The following SLC2A13 variants were observed in gnomAD, a reference collection of about 807,000 sequenced individuals.
SLC2A13 encodes proton myo-inositol cotransporter.
A neutral mutation model predicts 64.4 loss-of-function variants in SLC2A13; 32 were observed. That is an observed-to-expected ratio of 0.50 (90% CI 0.37 to 0.67). The LOEUF (loss-of-function observed/expected upper bound fraction) is 0.67. SLC2A13 is among the 30% of genes least tolerant of loss of function. The pLI, the probability that SLC2A13 is intolerant of heterozygous loss-of-function variation, is 0.00. For missense variants in SLC2A13, 743 were observed against 829.2 expected (o/e 0.90, Z 1.28); for synonymous variants, 338 against 327.1 (o/e 1.03, Z -0.36).
At chr12:39,775,306 G>C (rs547007734) in intron 7 of SLC2A13, among the ~76,000 whole-genome samples, 1 of 152,314 alleles carries the variant, frequency 6.6e-6, no homozygotes, top group Admixed American at 6.5e-5. Context: ...CTTAGGTAAC[G>C]TAAGTTACTT....
At chr12:39,855,424 C>T (rs1943580791) in intron 6 of SLC2A13, among the ~76,000 whole-genome samples, 1 of 152,152 alleles carries the variant, frequency 6.6e-6, no homozygotes, top group Non-Finnish European at 1.5e-5. Context: ...TAAGGACTCT[C>T]ATGTAGGAAG....
In SLC2A13 at chr12:39,758,282, C is replaced by T. The variant is rs886825507; in HGVS notation, c.*1744G>A. Reference sequence around the variant, plus strand: ...ATTGACAGTTTAAGCACATATTATACCTCTGGTGACTTAGAGAATGAACTT... The same window carrying T: ...ATTGACAGTTTAAGCACATATTATATCTCTGGTGACTTAGAGAATGAACTT... On this transcript the variant is annotated 3_prime_UTR_variant, in exon 10 of 10. Coordinates refer to ENST00000280871, the MANE Select transcript of SLC2A13 (RefSeq NM_052885.4). 6.6e-6 allele frequency: 1 copy of T among 151,764 alleles called. No individual in the cohort carries two copies. Among genetic ancestry groups the T allele is most frequent in the African/African-American group, 2.4e-5 (1 of 41,362 alleles). The allele number at this position is 151,764 out of a possible 1,614,324, so 9.4% of individuals were successfully genotyped here.
chr12:39,889,973 T>G (rs1428545123), intron 4 of SLC2A13, among the ~76,000 whole-genome samples: 1 of 152,200 alleles, frequency 6.6e-6, no homozygotes, highest in Non-Finnish European at 1.5e-5. Context: ...CTCTGGCCAA[T>G]AATATTTTAC....
intron 4 of SLC2A13, among the ~76,000 whole-genome samples, chr12:39,898,736 G>T (rs892487761): frequency 3.3e-5 from 5 of 152,122 alleles, no homozygotes; most frequent in Non-Finnish European, 5.9e-5. Flanking sequence ...TGTGTTCATG[G>T]AATGGAACCA....
chr12:39,896,412 GTATGTATATGTGTATATATGTATACATA>G (rs1565528337), intron 4 of SLC2A13, among the ~76,000 whole-genome samples: 1 of 132,348 alleles, frequency 7.6e-6, no homozygotes, highest in Non-Finnish European at 1.6e-5. Context: ...ATACATATAT[GTATGTATATGTGTATATATGTATACATA>G]TATGTATATG....
chr12:40,017,220 CT>C (rs1394146781), intron 3 of SLC2A13, among the ~76,000 whole-genome samples: 9 of 152,218 alleles, frequency 5.9e-5, no homozygotes, highest in African/African-American at 2.2e-4. Flanking sequence ...CAGGCAATGA[CT>C]GTATCTGGCA....
At chr12:40,013,432 C>T (rs1947566720) in intron 3 of SLC2A13, among the ~76,000 whole-genome samples, 1 of 152,164 alleles carries the variant, frequency 6.6e-6, no homozygotes, top group African/African-American at 2.4e-5. Context: ...ACAGGTATTA[C>T]AACTATCTCC....
chr12:39,841,106 T>C (rs910455372), intron 6 of SLC2A13, among the ~76,000 whole-genome samples: 7 of 152,106 alleles, frequency 4.6e-5, no homozygotes, highest in Non-Finnish European at 1.0e-4. Context: ...CCCTTACACG[T>C]TGAGGCTAAG....
At chr12:39,824,385 A>AT (rs1942609395) in intron 7 of SLC2A13, among the ~76,000 whole-genome samples, 1 of 152,114 alleles carries the variant, frequency 6.6e-6, no homozygotes, top group Non-Finnish European at 1.5e-5. Flanking sequence ...GGTGGGTGGC[A>AT]TGAGCCAGAT....
intron 1 of SLC2A13, among the ~76,000 whole-genome samples, chr12:40,054,393 T>C (rs1167833318): frequency 6.6e-6 from 1 of 152,194 alleles, no homozygotes; most frequent in East Asian, 1.9e-4. Flanking sequence ...AAACAAGTTA[T>C]TAATAGTCCA....
intron 1 of SLC2A13, among the ~76,000 whole-genome samples, chr12:40,095,217 T>C (rs1028450380): frequency 6.6e-6 from 1 of 152,214 alleles, no homozygotes; most frequent in African/African-American, 2.4e-5. Flanking sequence ...TTCCATAGAA[T>C]AAGAAGTAAA....
At chr12:39,906,152 T>G (rs1438888309) in intron 4 of SLC2A13, among the ~76,000 whole-genome samples, 1 of 152,068 alleles carries the variant, frequency 6.6e-6, no homozygotes, top group Non-Finnish European at 1.5e-5. Flanking sequence ...TGTTTTCAAC[T>G]GAGTTCATCT....
intron 1 of SLC2A13, among the ~76,000 whole-genome samples, chr12:40,078,821 A>T (rs1023203856): frequency 6.6e-6 from 1 of 152,054 alleles, no homozygotes; most frequent in African/African-American, 2.4e-5. Flanking sequence ...CTCATTATTG[A>T]TCTGTTCAAG....
At chr12:39,915,625 A>G (rs1298824527) in intron 4 of SLC2A13, among the ~76,000 whole-genome samples, 1 of 151,988 alleles carries the variant, frequency 6.6e-6, no homozygotes, top group Non-Finnish European at 1.5e-5. Context: ...TTCACTGGAA[A>G]CTTAAAAATA....
At chr12:39,813,581 C>T (rs1942253289) in intron 7 of SLC2A13, among the ~76,000 whole-genome samples, 1 of 152,126 alleles carries the variant, frequency 6.6e-6, no homozygotes, top group South Asian at 2.1e-4. Flanking sequence ...TTCTTAAGAA[C>T]ATCAAACAGC....
intron 4 of SLC2A13, 131 bp from the exon 5 acceptor site, chr12:39,872,092 G>T: frequency 1.6e-6 from 1 of 634,724 alleles, no homozygotes; most frequent in Non-Finnish European, 2.4e-6. Flanking sequence ...AAATTAACGT[G>T]GGAATTCATG....
At chr12:39,851,208 A>ATT (rs1369772165) in intron 6 of SLC2A13, among the ~76,000 whole-genome samples, 1 of 152,152 alleles carries the variant, frequency 6.6e-6, no homozygotes, top group Non-Finnish European at 1.5e-5. Context: ...CCAAAGTTAA[A>ATT]TGTTTATAGA....
Position 39,764,461 on chromosome 12 carries a change from A to G in SLC2A13, c.1719T>C (p.Tyr573=), listed in dbSNP as rs756394513. The G allele has an allele frequency of 4.5e-6, 7 of 1,568,676 alleles. No homozygotes were observed. In the East Asian group the frequency reaches 6.7e-5, roughly 15 times the overall value. Residue 573 remains tyrosine (Y), a splice_region_variant and synonymous_variant, in exon 9 of 10, where the codon TAT becomes TAC. Transcript: ENST00000280871. ...ATGTTAGAAAAAATATTATCTTACC[A>G]TAGTATGTAAGATACTCTGCTGTGT... is the stretch of plus-strand genomic sequence containing the variant. ...FLHTAEYLTY[Y]GAFFLYAGFA... is the part of the protein sequence containing the mutation.
chr12:40,035,793 A>G (rs928204270), intron 2 of SLC2A13, among the ~76,000 whole-genome samples: 1 of 152,228 alleles, frequency 6.6e-6, no homozygotes, highest in African/African-American at 2.4e-5. Flanking sequence ...ATATCAGCAT[A>G]TAAGTGGCTT....
Sources: allele counts gnomAD v4.1 joint callset (sites outside exome capture counted in the v4.1 genomes callset), GRCh38; gene constraint gnomAD v4.1.1; transcripts MANE v1.5; gene names NCBI Gene and HGNC (gene_info 2026-07-23, HGNC 2026-07-21).